Variants in NXPE2 observed in about 807,000 individuals in gnomAD.
NXPE2 encodes neurexophilin and PC-esterase domain family member 2.
In NXPE2, 34 loss-of-function variants were observed where a neutral mutation model predicts 34.4. The observed-to-expected ratio is 0.99, with a 90% CI of 0.75 to 1.31. The LOEUF (loss-of-function observed/expected upper bound fraction) is 1.31, where lower values mean the gene tolerates loss of function less well. NXPE2 is among the 40% of genes most tolerant of loss of function. The pLI, the probability that NXPE2 is intolerant of heterozygous loss-of-function variation, is 0.00. For missense variants in NXPE2, 649 were observed against 672.5 expected (o/e 0.97, Z 0.39); for synonymous variants, 235 against 231.3 (o/e 1.02, Z -0.15).
chr11:114,579,506 GCTTTA>G, the NXPE2 span, among the ~76,000 whole-genome samples: 1 of 152,210 alleles, frequency 6.6e-6, no homozygotes, highest in African/African-American at 2.4e-5. Flanking sequence ...CCAAGCCCAT[GCTTTA>G]CTTGTGTCTA....
intron 2 of NXPE2, among the ~76,000 whole-genome samples, chr11:114,691,977 G>A (rs1400007820): frequency 6.6e-6 from 1 of 152,210 alleles, no homozygotes; most frequent in Non-Finnish European, 1.5e-5. Flanking sequence ...CACCACCCAG[G>A]AGAAACTTTG....
At chr11:114,547,942 A>AT in the NXPE2 span, among the ~76,000 whole-genome samples, 7 of 152,162 alleles carry the variant, frequency 4.6e-5, no homozygotes, top group African/African-American at 1.7e-4. Context: ...TATTCTTACA[A>AT]TTTTTCTGTA....
intron 2 of NXPE2, among the ~76,000 whole-genome samples, chr11:114,684,750 T>C (rs576342167): frequency 3.2e-4 from 49 of 152,274 alleles, no homozygotes; most frequent in Non-Finnish European, 5.9e-4. Flanking sequence ...CTTGAATGCA[T>C]TTTAATTCAT....
the NXPE2 span, among the ~76,000 whole-genome samples, chr11:114,524,236 C>T: frequency 1.3e-5 from 2 of 151,204 alleles, no homozygotes; most frequent in South Asian, 4.2e-4. Context: ...ATGGCCACAA[C>T]TAGATATAAG....
chr11:114,500,567 T>G, the NXPE2 span, among the ~76,000 whole-genome samples: 1 of 152,148 alleles, frequency 6.6e-6, no homozygotes, highest in Non-Finnish European at 1.5e-5. Context: ...AGTCTGTGAT[T>G]TATCTTTTTT....
the NXPE2 span, among the ~76,000 whole-genome samples, chr11:114,631,324 C>G: frequency 6.6e-6 from 1 of 151,808 alleles, no homozygotes; most frequent in Non-Finnish European, 1.5e-5. Flanking sequence ...ACATATACAG[C>G]ATGGAATACT....
chr11:114,695,949 C>T (rs1474867149), intron 2 of NXPE2, among the ~76,000 whole-genome samples: 2 of 151,560 alleles, frequency 1.3e-5, no homozygotes, highest in Admixed American at 6.6e-5. Flanking sequence ...ACCCGGGAGG[C>T]GGAGGTTGCA....
chr11:114,757,442 C>T, the NXPE2 span, among the ~76,000 whole-genome samples: 5 of 151,982 alleles, frequency 3.3e-5, no homozygotes, highest in Non-Finnish European at 7.4e-5. Flanking sequence ...GAAGCTCTTT[C>T]TTCCTGTTTC....
chr11:114,524,693 G>T, the NXPE2 span, among the ~76,000 whole-genome samples: 1 of 152,092 alleles, frequency 6.6e-6, no homozygotes, highest in Non-Finnish European at 1.5e-5. Flanking sequence ...GGCACACTTT[G>T]CTGAGAACAT....
chr11:114,791,486 C>A, the NXPE2 span, among the ~76,000 whole-genome samples: 1 of 152,144 alleles, frequency 6.6e-6, no homozygotes, highest in Non-Finnish European at 1.5e-5. Flanking sequence ...TGCCTCTGGA[C>A]TGGTAGTTGT....
chr11:114,805,558 G>A, the NXPE2 span, among the ~76,000 whole-genome samples: 145,817 of 152,328 alleles, frequency 0.96, 70,128 homozygotes, highest in Middle Eastern at 1. Context: ...ACCTGGCTCA[G>A]AGGGTCCTAC....
chr11:114,805,041 C>T, the NXPE2 span, among the ~76,000 whole-genome samples: 1 of 152,032 alleles, frequency 6.6e-6, no homozygotes, highest in Non-Finnish European at 1.5e-5. Context: ...GAAGATTTCT[C>T]TCTTGTAGCT....
chr11:114,656,273 T>C, the NXPE2 span, among the ~76,000 whole-genome samples: 1 of 151,924 alleles, frequency 6.6e-6, no homozygotes, highest in Non-Finnish European at 1.5e-5. Context: ...CTCAAGGAAA[T>C]AAGGGAGGAT....
chr11:114,470,236 G>T, the NXPE2 span, among the ~76,000 whole-genome samples: 1 of 152,116 alleles, frequency 6.6e-6, no homozygotes, highest in South Asian at 2.1e-4. Context: ...GGGTTATATG[G>T]TGAGTATGAG....
At chr11:114,652,099 T>A in the NXPE2 span, among the ~76,000 whole-genome samples, 2 of 152,320 alleles carry the variant, frequency 1.3e-5, no homozygotes, top group East Asian at 1.9e-4. Context: ...AATTTTTTTT[T>A]AATCTACTGC....
chr11:114,464,445 G>T, the NXPE2 span, among the ~76,000 whole-genome samples: 3 of 152,064 alleles, frequency 2.0e-5, no homozygotes, highest in South Asian at 6.2e-4. Flanking sequence ...GGTTTATTGT[G>T]GTATTAAATG....
At chr11:114,695,150 T>G (rs2096163510) in intron 2 of NXPE2, among the ~76,000 whole-genome samples, 1 of 152,182 alleles carries the variant, frequency 6.6e-6, no homozygotes, top group Non-Finnish European at 1.5e-5. Flanking sequence ...TTTCCTCCAG[T>G]GTCCATGTTT....
chr11:114,637,447 C>G, the NXPE2 span, among the ~76,000 whole-genome samples: 1,550 of 151,924 alleles, frequency 0.01, 25 homozygotes, highest in African/African-American at 0.035. Context: ...TTAATTGGAG[C>G]ATTTAGTCCA....
the NXPE2 span, among the ~76,000 whole-genome samples, chr11:114,642,733 T>C: frequency 6.6e-6 from 1 of 152,066 alleles, no homozygotes; most frequent in East Asian, 1.9e-4. Context: ...TATGTGTGCA[T>C]GTGTCTTTAT....
Sources: allele counts gnomAD v4.1 joint callset (sites outside exome capture counted in the v4.1 genomes callset), GRCh38; gene constraint gnomAD v4.1.1; transcripts MANE v1.5; gene names NCBI Gene and HGNC (gene_info 2026-07-23, HGNC 2026-07-21).